Variants in COL4A4 observed in about 807,000 individuals in gnomAD.
The protein encoded by COL4A4 is collagen alpha-4(IV) chain.
A neutral mutation model predicts 192.9 loss-of-function variants in COL4A4; 105 were observed. The ratio of observed to expected loss-of-function variants is 0.54; its 90% CI spans 0.46 to 0.64. COL4A4 has a LOEUF of 0.64. Ranked by LOEUF, COL4A4 falls within the 30% of genes least tolerant of loss-of-function variation. The probability of loss-of-function intolerance (pLI) is 0.00; values close to 1 mark genes in which losing one functional copy is unlikely to be tolerated. For synonymous variants in COL4A4, 762 were observed against 769.9 expected (o/e 0.99, Z 0.17); for missense variants, 1,967 against 2,169.3 (o/e 0.91, Z 1.85).
chr2:227,111,865 T>C (rs572626582), intron 8 of COL4A4, 152 bp from the exon 9 acceptor site: 37 of 773,720 alleles, frequency 4.8e-5, no homozygotes, highest in Non-Finnish European at 8.2e-5. Flanking sequence ...GGAAGGGATA[T>C]GCGGAGGTGA....
At chr2:227,158,187 T>A (rs957713157) in intron 1 of COL4A4, among the ~76,000 whole-genome samples, 1 of 152,132 alleles carries the variant, frequency 6.6e-6, no homozygotes. Context: ...TCAAACATGA[T>A]GATCAATTGA....
At chr2:227,118,886 C>T in intron 6 of COL4A4, 125 bp from the exon 7 acceptor site, 1 of 733,408 alleles carries the variant, frequency 1.4e-6, no homozygotes, top group Non-Finnish European at 2.4e-6. Flanking sequence ...TTTTGTGAAA[C>T]TTTCTCTTTA....
intron 3 of COL4A4, among the ~76,000 whole-genome samples, chr2:227,141,314 G>A (rs948675218): frequency 2.0e-5 from 3 of 152,216 alleles, no homozygotes; most frequent in African/African-American, 7.2e-5. Flanking sequence ...ACTTAAGGCT[G>A]TAAACTCAAG....
chr2:227,106,710 C>T (rs1037823944), intron 12 of COL4A4, among the ~76,000 whole-genome samples: 2 of 152,074 alleles, frequency 1.3e-5, no homozygotes, highest in South Asian at 2.1e-4. Context: ...GGACTACAGG[C>T]ACACGCCACC....
At chr2:227,141,376 A>T (rs1222895719) in intron 3 of COL4A4, among the ~76,000 whole-genome samples, 1 of 152,230 alleles carries the variant, frequency 6.6e-6, no homozygotes, top group African/African-American at 2.4e-5. Flanking sequence ...ACTAATATTT[A>T]TAGTCCCATG....
intron 25 of COL4A4, among the ~76,000 whole-genome samples, chr2:227,071,784 T>G (rs1166067582): frequency 1.3e-5 from 2 of 152,174 alleles, no homozygotes; most frequent in East Asian, 3.8e-4. Flanking sequence ...TTAAATAATC[T>G]GCTCCTGAAT....
rs1972686530 is a variant in COL4A4 at position 227,045,989 on chromosome 2, TTAGA to T, written c.3289+1482_3289+1485del. On this transcript the variant is annotated intron_variant, in intron 35 of 47. Transcript: ENST00000396625. Reference sequence around the variant, plus strand: ...TATTTATATGTGTATATGTATATATTTAGATATTTAGATATATTTAGATAGTATA... The same window carrying T: ...TATTTATATGTGTATATGTATATATTTATTTAGATATATTTAGATAGTATA... Among the ~76,000 whole-genome samples, 2 of 45,846 alleles carry T rather than the reference TTAGA, an allele frequency of 4.4e-5. 1 individual carries two copies. Among genetic ancestry groups the T allele is most frequent in the African/African-American group, 1.6e-4 (2 of 12,416 alleles). The allele number at this position is 45,846 out of a possible 152,430, so 30.1% of individuals were successfully genotyped here.
At chr2:227,154,712 C>T (rs1272080929) in intron 1 of COL4A4, among the ~76,000 whole-genome samples, 6 of 152,128 alleles carry the variant, frequency 3.9e-5, no homozygotes, top group East Asian at 1.9e-4. Context: ...ACAGAATTCT[C>T]GAATATTCAG....
intron 7 of COL4A4, 91 bp downstream of exon 7, chr2:227,118,554 A>G: frequency 1.0e-6 from 1 of 997,336 alleles, no homozygotes. Flanking sequence ...GCACACTTGT[A>G]TTAACTCTGT....
chr2:227,038,115 G>A (rs990011204), intron 37 of COL4A4, among the ~76,000 whole-genome samples: 1 of 152,168 alleles, frequency 6.6e-6, no homozygotes, highest in African/African-American at 2.4e-5. Context: ...CACTGCTTTA[G>A]GTGTTTTAGG....
intron 20 of COL4A4, among the ~76,000 whole-genome samples, chr2:227,093,693 T>C (rs2150679349): frequency 6.6e-6 from 1 of 152,290 alleles, no homozygotes; most frequent in African/African-American, 2.4e-5. Context: ...TTATTTCATT[T>C]ATTATTTTAG....
chr2:227,156,557 A>T (rs1306276801), intron 1 of COL4A4, among the ~76,000 whole-genome samples: 2 of 152,150 alleles, frequency 1.3e-5, no homozygotes, highest in Non-Finnish European at 2.9e-5. Context: ...CAGGAGAGAA[A>T]AATTACAAGG....
chr2:227,108,772 C>T (rs1328466834), intron 11 of COL4A4, 61 bp downstream of exon 11: 2 of 1,552,022 alleles, frequency 1.3e-6, no homozygotes, highest in African/African-American at 2.7e-5. Context: ...TGACAAATAT[C>T]AGTGGTCAAC....
At chr2:227,145,102 G>A (rs1440856837) in intron 2 of COL4A4, among the ~76,000 whole-genome samples, 2 of 152,138 alleles carry the variant, frequency 1.3e-5, no homozygotes, top group Non-Finnish European at 2.9e-5. Flanking sequence ...TCCAACTGGG[G>A]TAACTTCATT....
downstream of COL4A4, chr2:226,998,579 CT>C (rs546682047): frequency 6.6e-6 from 1 of 151,994 alleles, no homozygotes; most frequent in African/African-American, 2.4e-5. Context: ...TAAGTTTCTT[CT>C]CTTTTTTTTT....
rs62226760 is a variant in COL4A4 at position 227,066,357 on chromosome 2, T to C, written c.1988-3759A>G. Among the ~76,000 whole-genome samples the C allele has an allele frequency of 5.8e-3, 877 of 151,386 alleles. 3 individuals are homozygous for C. The highest frequency in any genetic ancestry group is 9.4e-3 in the Non-Finnish European group (638 of 67,818). ...CAGGCCAACATTCAGATTCAGGAAA[T>C]ACAGAGAACGCCACAAAGATACTCC... is the stretch of plus-strand genomic sequence containing the variant. On this transcript the variant is annotated intron_variant, in intron 25 of 47. Transcript: ENST00000396625.
intron 32 of COL4A4, 115 bp downstream of exon 32, chr2:227,052,189 CT>C (rs1195885172): frequency 1.5e-6 from 1 of 689,120 alleles, no homozygotes; most frequent in East Asian, 2.9e-5. Flanking sequence ...AAAACTCCAT[CT>C]CAAAAAAAAA....
the COL4A4 span, among the ~76,000 whole-genome samples, chr2:226,984,643 C>T: frequency 2.6e-5 from 4 of 152,180 alleles, no homozygotes; most frequent in East Asian, 1.9e-4. Context: ...CAACAGCTAA[C>T]GCCCTGGGGT....
chr2:227,089,612 T>C lies in COL4A4; in HGVS notation c.1459+256A>G, dbSNP rs576208676. ...CCATATATATATATATATATATACATACATATATATAAATATATAAGACAC... is the reference window on the plus strand; with the variant it reads ...CCATATATATATATATATATATACACACATATATATAAATATATAAGACAC... On this transcript the variant is annotated intron_variant, in intron 21 of 47. Transcript: ENST00000396625. 1.4e-3 allele frequency among the ~76,000 whole-genome samples: 204 copies of C among 141,836 alleles called. 2 individuals are homozygous for C. Among genetic ancestry groups the C allele is most frequent in the Middle Eastern group, 7.2e-3 (2 of 278 alleles). The allele number at this position is 141,836 out of a possible 152,430, so 93.0% of individuals were successfully genotyped here. A position where few individuals can be genotyped will look rare whatever the true frequency, so the allele number is the denominator to read the frequency against.
Sources: gnomAD v4.1 joint callset for allele counts (sites outside exome capture counted in the v4.1 genomes callset) on GRCh38, gnomAD v4.1.1 for gene constraint, MANE v1.5 for transcripts, NCBI Gene and HGNC (gene_info 2026-07-23, HGNC 2026-07-21) for gene names.